CD74: variants seen among roughly 807,000 people sequenced by gnomAD.
The protein encoded by CD74 is HLA class II histocompatibility antigen gamma chain.
A neutral mutation model predicts 37.1 loss-of-function variants in CD74; 20 were observed. That is an observed-to-expected ratio of 0.54 (90% CI 0.38 to 0.78). The LOEUF (loss-of-function observed/expected upper bound fraction) is 0.78. Among genes scored for constraint, CD74 ranks in the 30% least tolerant of loss-of-function variants. CD74 has a pLI of 0.00. For missense variants in CD74, 338 were observed against 389.5 expected, an observed-to-expected ratio of 0.87 and a Z score of 1.11; for synonymous variants, 150 against 152.0, an observed-to-expected ratio of 0.99 and a Z score of 0.10.
rs940038239 is a variant in CD74, at chr5:150,404,540, G to C, written c.625+140C>G. 1.2e-5 allele frequency: 7 copies of C among 607,952 alleles called. 1 individual carries two copies. In the South Asian group the frequency reaches 1.3e-4, roughly 11 times the overall value. 37.7% of individuals were successfully genotyped at this position (607,952 alleles called of 1,614,324 possible). On this transcript the variant is annotated intron_variant, in intron 6 of 8. Transcript: ENST00000009530. Reference sequence around the variant, plus strand: ...GAACAGACAGGAGAGAGAGAGAAGTGAGAAAGAAGTGAGAGCTGAGAGGAT... The same window carrying C: ...GAACAGACAGGAGAGAGAGAGAAGTCAGAAAGAAGTGAGAGCTGAGAGGAT...
At chr5:150,406,178 A>G in intron 4 of CD74, 81 bp downstream of exon 4, 1 of 973,580 alleles carries the variant, frequency 1.0e-6, no homozygotes, top group Non-Finnish European at 1.7e-6. Flanking sequence ...GCCATGAGCC[A>G]GGTATACAGG....
intron 3 of CD74, chr5:150,406,624 G>A (rs1416798249): frequency 5.1e-6 from 3 of 588,760 alleles, no homozygotes; most frequent in Non-Finnish European, 9.1e-6. Context: ...AGAGGACAGT[G>A]AGATGCTATA....
At chr5:150,406,719 C>T (rs963139783) in intron 3 of CD74, 162 bp downstream of exon 3, 26 of 593,480 alleles carry the variant, frequency 4.4e-5, no homozygotes, top group African/African-American at 3.9e-4. Flanking sequence ...CTGTGCCCTC[C>T]ACACCTGGGG....
intron 3 of CD74, 111 bp from the exon 4 acceptor site, chr5:150,406,432 G>T: frequency 1.2e-6 from 1 of 825,450 alleles, no homozygotes. Flanking sequence ...CAGGCACTTG[G>T]TCAATGGTTC....
intron 5 of CD74, 70 bp downstream of exon 5, chr5:150,405,015 C>T: frequency 2.1e-6 from 3 of 1,421,892 alleles, no homozygotes; most frequent in Non-Finnish European, 2.0e-6. Context: ...CCACCCTCAC[C>T]CCACCTCTCC....
rs780847683 is a variant in CD74, at chr5:150,407,212, T to C, written c.238A>G (p.Lys80Glu). Reference sequence around the variant, plus strand: ...AGGTTCTGGGAGGTGACTGTCAGTTTGTCCAGCCGGCCCTGCTGCTGGTAC... The same window carrying C: ...AGGTTCTGGGAGGTGACTGTCAGTTCGTCCAGCCGGCCCTGCTGCTGGTAC... ...FLYQQQGRLD[K>E]LTVTSQNLQL... Residue 80 changes from lysine to glutamate, a missense_variant, in exon 2 of 9, where the codon AAA becomes GAA. By Grantham distance (56) the Lys-to-Glu change is moderately conservative (BLOSUM62 1). Transcript: ENST00000009530. This position sits in a 1 kb window ranked among gnomAD's most constrained non-coding sequence, Gnocchi z 4.4. 1.9e-6 allele frequency: 3 copies of C among 1,614,008 alleles called. No homozygotes were observed. Among genetic ancestry groups the C allele is most frequent in the Non-Finnish European group, 2.5e-6 (3 of 1,179,970 alleles).
intron 1 of CD74, among the ~76,000 whole-genome samples, chr5:150,408,858 C>A (rs963147487): frequency 6.6e-6 from 1 of 152,172 alleles, no homozygotes; most frequent in Non-Finnish European, 1.5e-5. Context: ...CCCTGTAAGA[C>A]GGCTTGATGG....
rs1770044016 is a variant in CD74, at chr5:150,407,436, A to G, written c.126-112T>C. 1.3e-6 allele frequency: 1 copy of G among 790,262 alleles called. No individual in the cohort carries two copies. Among genetic ancestry groups the G allele is most frequent in the Non-Finnish European group, 2.0e-6 (1 of 507,184 alleles). The allele number at this position is 790,262 out of a possible 1,614,324, so 49.0% of individuals were successfully genotyped here. On this transcript the variant is annotated intron_variant, in intron 1 of 8. Transcript: ENST00000009530. The surrounding 1 kb of genome is among the most constrained non-coding windows in gnomAD (Gnocchi z 4.4). ...CCCATCTCCATTAGACCCCTAAGCCACCCCTAATAAACAATGCATTTGAAG... is the reference window on the plus strand; with the variant it reads ...CCCATCTCCATTAGACCCCTAAGCCGCCCCTAATAAACAATGCATTTGAAG...
In CD74 at chr5:150,407,168, G is replaced by A. The variant is rs377258430; in HGVS notation, c.282C>T (p.Arg94=). 5.0e-6 allele frequency: 8 copies of A among 1,613,946 alleles called. No individual in the cohort carries two copies. Among genetic ancestry groups the A allele is most frequent in the Non-Finnish European group, 6.8e-6 (8 of 1,179,934 alleles). The change falls in exon 2 of 9, where the codon CGC becomes CGT. Residue 94 remains arginine (R), a synonymous_variant. Transcript: ENST00000009530. The surrounding 1 kb of genome is among the most constrained non-coding windows in gnomAD (Gnocchi z 4.4). ...TGCACGCACGCTTGGGAAGCTTCAT[G>A]CGCAGGTTCTCCAGCTGCAGGTTCT... ...TSQNLQLENL[R]MKLPKPPKPV...
intron 1 of CD74, among the ~76,000 whole-genome samples, chr5:150,408,667 T>G (rs935631885): frequency 6.6e-6 from 1 of 152,060 alleles, no homozygotes; most frequent in African/African-American, 2.4e-5. Context: ...GGGGGGTGCA[T>G]GCATATGTTA....
intron 1 of CD74, among the ~76,000 whole-genome samples, chr5:150,408,809 G>C (rs1024700924): frequency 1.3e-5 from 2 of 152,174 alleles, no homozygotes; most frequent in African/African-American, 2.4e-5. Context: ...GGAGGTGATC[G>C]GGCCACAAGG....
At chr5:150,408,147 G>A (rs1341893404) in intron 1 of CD74, among the ~76,000 whole-genome samples, 2 of 152,104 alleles carry the variant, frequency 1.3e-5, no homozygotes, top group African/African-American at 2.4e-5. Context: ...GTAAGGGGAA[G>A]AGGGTTTTCA....
Position 150,407,131 on chromosome 5 carries a change from AG to A in CD74, c.298+20del. 6.2e-7 allele frequency: 1 copy of A among 1,602,486 alleles called. No homozygotes were observed. The highest frequency in any genetic ancestry group is 8.5e-7 in the Non-Finnish European group (1 of 1,172,030). On this transcript the variant is annotated intron_variant, in intron 2 of 8. Coordinates refer to ENST00000009530, the MANE Select transcript of CD74 (RefSeq NM_001025159.3). This position sits in a 1 kb window ranked among gnomAD's most constrained non-coding sequence, Gnocchi z 4.4. Reference sequence around the variant, plus strand: ...GGGATGGTGGGAGGTGGGGGGTATCAGGATGTAGGGGTGCACGCACGCTTGG... The same window carrying A: ...GGGATGGTGGGAGGTGGGGGGTATCAGATGTAGGGGTGCACGCACGCTTGG...
At position 150,402,434 on chromosome 5, in the gene CD74, CT is replaced by C. The variant is rs771055517; in HGVS notation, c.880+128del. 3 of 952,226 alleles carry C rather than the reference CT, an allele frequency of 3.2e-6. No individual in the cohort carries two copies. The highest frequency in any genetic ancestry group is 5.2e-6 in the Non-Finnish European group (3 of 582,158). 59.0% of individuals were successfully genotyped at this position (952,226 alleles called of 1,614,324 possible). A position where few individuals can be genotyped will look rare whatever the true frequency, so the allele number is the denominator to read the frequency against. On this transcript the variant is annotated intron_variant, in intron 8 of 8. Coordinates refer to ENST00000009530, the MANE Select transcript of CD74 (RefSeq NM_001025159.3). The surrounding 1 kb of genome is among the most constrained non-coding windows in gnomAD (Gnocchi z 4.2). ...CAGCCCCCCAACCCTGTTCCTTCGT[CT>C]GTGAAATGGACATCCCAGGAATGTT...
In CD74 at chr5:150,407,274, A is replaced by G; in HGVS notation, c.176T>C (p.Leu59Pro). ...LYTGFSILVT[L>P]LLAGQATTAY... ...GGTGGTGGCCTGGCCAGCGAGGAGC[A>G]GAGTCACCAGGATGGAAAAGCCTGT... The change falls in exon 2 of 9, where the codon CTG (leucine) becomes CCG (proline). Residue 59 changes from leucine to proline, a missense_variant. Physicochemically the swap from Leu to Pro is moderately conservative, Grantham distance 98. Transcript: ENST00000009530. The surrounding 1 kb of genome is among the most constrained non-coding windows in gnomAD (Gnocchi z 4.4). The G allele has an allele frequency of 6.2e-7, 1 of 1,613,236 alleles. No individual in the cohort carries two copies.
rs1769731510 is a variant in CD74 at position 150,403,017 on chromosome 5, C to T, written c.817+104G>A. 4.2e-6 allele frequency: 4 copies of T among 951,478 alleles called. No homozygotes were observed. The highest frequency in any genetic ancestry group is 3.2e-4 in the Middle Eastern group (1 of 3,084). The allele number at this position is 951,478 out of a possible 1,614,324, so 58.9% of individuals were successfully genotyped here. On this transcript the variant is annotated intron_variant, in intron 7 of 8. Transcript: ENST00000009530. This position sits in a 1 kb window ranked among gnomAD's most constrained non-coding sequence, Gnocchi z 4.5. ...CTACGTCACTGCCCCCAGGAGCTGC[C>T]ATCCTGGGTGTCCTGGTCCCATGTG...
rs539233760 is a variant in CD74, at chr5:150,404,359, G to A, written c.625+321C>T. The stretch of plus-strand genomic sequence containing the variant: ...GTCATTACAAGGATTCCTTTCTGCA[G>A]TGTTTCGGGCAGGTTCTACCCCAGG... On this transcript the variant is annotated intron_variant, in intron 6 of 8. Transcript: ENST00000009530. The A allele has an allele frequency of 5.8e-4, 180 of 309,816 alleles. 3 individuals carry two copies. In the East Asian group the frequency reaches 8.1e-3, roughly 14 times the overall value. The allele number at this position is 309,816 out of a possible 1,614,324, so 19.2% of individuals were successfully genotyped here. A position where few individuals can be genotyped will look rare whatever the true frequency, so the allele number is the denominator to read the frequency against.
At chr5:150,410,291 C>T (rs1361905766) in intron 1 of CD74, among the ~76,000 whole-genome samples, 1 of 152,148 alleles carries the variant, frequency 6.6e-6, no homozygotes, top group Non-Finnish European at 1.5e-5. Flanking sequence ...CACAGTTCCT[C>T]AGGAGGCCTA....
Position 150,401,779 on chromosome 5 carries a change from G to A in CD74, c.*461C>T. 6.6e-6 allele frequency: 4 copies of A among 607,448 alleles called. No individual in the cohort carries two copies. In the South Asian group the frequency reaches 7.8e-5, roughly 12 times the overall value. 37.6% of individuals were successfully genotyped at this position (607,448 alleles called of 1,614,324 possible). On this transcript the variant is annotated 3_prime_UTR_variant, in exon 9 of 9. Transcript: ENST00000009530. ...GCTCTTCCTTGGGGAGTGATGCTGG[G>A]GAAAGGGAAGAGAGTGGCTCAGCCT...
Sources: allele counts gnomAD v4.1 joint callset (sites outside exome capture counted in the v4.1 genomes callset), GRCh38; gene constraint gnomAD v4.1.1; non-coding constraint Gnocchi (gnomAD v3.1); transcripts MANE v1.5; gene names NCBI Gene and HGNC (gene_info 2026-07-23, HGNC 2026-07-21).